Variants in LRRTM4 observed in about 807,000 individuals in gnomAD.
LRRTM4 encodes leucine-rich repeat transmembrane neuronal protein 4.
LRRTM4 carries 25 observed loss-of-function variants against 47.6 expected under a neutral mutation model. The observed-to-expected ratio is 0.53, with a 90% CI of 0.38 to 0.73. LRRTM4 has a LOEUF of 0.73. LRRTM4 is among the 30% of genes least tolerant of loss of function. The probability of loss-of-function intolerance (pLI) is 0.00; values close to 1 mark genes in which losing one functional copy is unlikely to be tolerated. For synonymous variants in LRRTM4, 311 were observed against 269.5 expected (o/e 1.15, Z -1.51); for missense variants, 638 against 713.4 (o/e 0.89, Z 1.20).
chr2:76,859,921 A>G (rs1432030038), intron 3 of LRRTM4, among the ~76,000 whole-genome samples: 2 of 152,312 alleles, frequency 1.3e-5, no homozygotes, highest in East Asian at 3.9e-4. Flanking sequence ...GAAGTTGTTT[A>G]GTTTTAACTA....
At chr2:77,520,939 A>G (rs926294244) in intron 2 of LRRTM4, among the ~76,000 whole-genome samples, 1 of 151,904 alleles carries the variant, frequency 6.6e-6, no homozygotes, top group African/African-American at 2.4e-5. Flanking sequence ...CATGTGTTGC[A>G]GTTTCTTTTT....
intron 3 of LRRTM4, among the ~76,000 whole-genome samples, chr2:76,805,250 A>T (rs145226354): frequency 1.3e-5 from 2 of 152,122 alleles, no homozygotes; most frequent in African/African-American, 4.8e-5. Context: ...AAACATCCCA[A>T]TTGAGATGGC....
At chr2:77,346,578 A>G (rs1671569844) in intron 3 of LRRTM4, among the ~76,000 whole-genome samples, 1 of 152,158 alleles carries the variant, frequency 6.6e-6, no homozygotes, top group South Asian at 2.1e-4. Context: ...TTACATTGGT[A>G]CAATATTCCT....
At chr2:76,885,666 C>T (rs558650320) in intron 3 of LRRTM4, among the ~76,000 whole-genome samples, 6 of 151,870 alleles carry the variant, frequency 4.0e-5, no homozygotes, top group Non-Finnish European at 7.4e-5. Context: ...GGGGTTTCAC[C>T]GTGTTAGCAA....
intron 3 of LRRTM4, among the ~76,000 whole-genome samples, chr2:77,015,811 G>A (rs1678045457): frequency 6.6e-6 from 1 of 152,054 alleles, no homozygotes; most frequent in Non-Finnish European, 1.5e-5. Context: ...GAGGATAAGA[G>A]AACATTTCTG....
At chr2:77,387,880 C>T (rs1019382326) in intron 3 of LRRTM4, among the ~76,000 whole-genome samples, 5 of 151,900 alleles carry the variant, frequency 3.3e-5, no homozygotes, top group Admixed American at 6.6e-5. Flanking sequence ...TATTAAAATG[C>T]CCTCACATTT....
chr2:77,029,163 C>T (rs981255514), intron 3 of LRRTM4, among the ~76,000 whole-genome samples: 3 of 149,932 alleles, frequency 2.0e-5, no homozygotes, highest in South Asian at 2.1e-4. Flanking sequence ...AGTTTGATAA[C>T]GTTAGTATTT....
chr2:77,461,011 CAG>C lies in LRRTM4; in HGVS notation c.1551+57305_1551+57306del, dbSNP rs144386184. Among the ~76,000 whole-genome samples, 67 of 152,112 alleles carry C rather than the reference CAG, an allele frequency of 4.4e-4. No homozygotes were observed. The East Asian group carries it at 0.012, about 28-fold the overall frequency. On this transcript the variant is annotated intron_variant, in intron 3 of 3. Transcript: ENST00000409884. ...TGAAAATTATAAAGTAAGTAATTAA[CAG>C]AAATTTTTAACCTAGAGGCAATCCT... is the stretch of plus-strand genomic sequence containing the variant.
At chr2:77,485,756 G>T (rs1435595728) in intron 3 of LRRTM4, among the ~76,000 whole-genome samples, 2 of 152,038 alleles carry the variant, frequency 1.3e-5, no homozygotes, top group Admixed American at 6.6e-5. Flanking sequence ...TTTAAACAAG[G>T]TCTCACTCCC....
chr2:77,128,966 G>A (rs996500361), intron 3 of LRRTM4, among the ~76,000 whole-genome samples: 1 of 152,190 alleles, frequency 6.6e-6, no homozygotes, highest in Non-Finnish European at 1.5e-5. Context: ...TATTTGAAAA[G>A]TGTACTAAAA....
At chr2:77,366,293 C>T (rs1672455983) in intron 3 of LRRTM4, among the ~76,000 whole-genome samples, 1 of 151,834 alleles carries the variant, frequency 6.6e-6, no homozygotes, top group Admixed American at 6.6e-5. Context: ...CGATTGACCA[C>T]TCTTTTTACC....
intron 3 of LRRTM4, among the ~76,000 whole-genome samples, chr2:77,476,729 C>T (rs1411181252): frequency 6.6e-6 from 1 of 151,740 alleles, no homozygotes; most frequent in Non-Finnish European, 1.5e-5. Context: ...TAGTAATGGA[C>T]CGAGTTTTAC....
At chr2:77,384,320 T>A (rs1424296781) in intron 3 of LRRTM4, among the ~76,000 whole-genome samples, 3 of 151,858 alleles carry the variant, frequency 2.0e-5, no homozygotes, top group Admixed American at 2.0e-4. Context: ...TCAATTTGAA[T>A]TTCAGTATTG....
chr2:76,986,643 A>G (rs1028689824), intron 3 of LRRTM4, among the ~76,000 whole-genome samples: 3 of 151,970 alleles, frequency 2.0e-5, no homozygotes, highest in South Asian at 2.1e-4. Flanking sequence ...TAACTGGCAC[A>G]GCTATCCTGG....
chr2:77,221,847 C>A (rs1191574992), intron 3 of LRRTM4, among the ~76,000 whole-genome samples: 4 of 152,004 alleles, frequency 2.6e-5, no homozygotes, highest in African/African-American at 9.7e-5. Flanking sequence ...AGCTCTGCAC[C>A]AAGCAGACCT....
intron 3 of LRRTM4, among the ~76,000 whole-genome samples, chr2:77,497,817 T>G (rs1415961299): frequency 6.6e-6 from 1 of 151,624 alleles, no homozygotes. Context: ...AAAATTGTGA[T>G]ATCTGAGTTA....
At chr2:76,886,685 A>G (rs2104131737) in intron 3 of LRRTM4, among the ~76,000 whole-genome samples, 1 of 152,142 alleles carries the variant, frequency 6.6e-6, no homozygotes, top group East Asian at 1.9e-4. Context: ...TCTCCTACAT[A>G]TTTTTAAGAA....
chr2:77,412,642 C>T (rs954175151), intron 3 of LRRTM4, among the ~76,000 whole-genome samples: 4 of 152,164 alleles, frequency 2.6e-5, no homozygotes, highest in South Asian at 2.1e-4. Context: ...TAAGTGTAAC[C>T]CTGGCCACAA....
rs564937059 is a variant in LRRTM4 at position 76,958,158 on chromosome 2, A to G, written c.1552-209242T>C. 4.6e-5 allele frequency among the ~76,000 whole-genome samples: 7 copies of G among 151,908 alleles called. No individual in the cohort carries two copies. The East Asian group carries it at 9.7e-4, about 21-fold the overall frequency. On this transcript the variant is annotated intron_variant, in intron 3 of 3. Coordinates refer to ENST00000409884, the MANE Select transcript of LRRTM4 (RefSeq NM_001134745.3). ...CAGCTTTCCCTTAGTTTGACATCAA[A>G]TATTTATAGAATAGCTAACCTCTTG...
Sources: gnomAD v4.1 joint callset for allele counts (sites outside exome capture counted in the v4.1 genomes callset) on GRCh38, gnomAD v4.1.1 for gene constraint, MANE v1.5 for transcripts, NCBI Gene and HGNC (gene_info 2026-07-23, HGNC 2026-07-21) for gene names.